Variants in LRRD1 observed in about 807,000 individuals in gnomAD.
LRRD1 encodes the protein leucine-rich repeat and death domain-containing protein 1.
LRRD1 carries 49 observed loss-of-function variants against 69.5 expected under a neutral mutation model. That is an observed-to-expected ratio of 0.70 (90% confidence interval 0.56 to 0.89). The LOEUF is 0.89. Ranked by LOEUF, LRRD1 falls within the 40% of genes least tolerant of loss-of-function variation. The probability of loss-of-function intolerance (pLI) is 0.00; values close to 1 mark genes in which losing one functional copy is unlikely to be tolerated. For missense variants in LRRD1, 853 were observed against 956.0 expected (o/e 0.89, Z 1.42); for synonymous variants, 303 against 338.9 (o/e 0.89, Z 1.16).
chr7:92,175,697 G>T (rs1789179866), intron 1 of LRRD1, among the ~76,000 whole-genome samples: 1 of 152,094 alleles, frequency 6.6e-6, no homozygotes, highest in South Asian at 2.1e-4. Flanking sequence ...TATTTACAAA[G>T]GTGTAGCCAG....
chr7:92,152,907 A>G (rs1410204066), intron 3 of LRRD1, among the ~76,000 whole-genome samples: 2 of 152,178 alleles, frequency 1.3e-5, no homozygotes, highest in African/African-American at 4.8e-5. Flanking sequence ...TGACCTCGTG[A>G]TCTGCCCGCC....
chr7:92,164,232 T>C lies in LRRD1; in HGVS notation c.971A>G (p.Glu324Gly), dbSNP rs1208216481. 1 of 1,549,722 alleles carries C rather than the reference T, an allele frequency of 6.5e-7. No individual in the cohort carries two copies. Residue 324 changes from glutamate (E) to glycine (G), a missense_variant, in exon 2 of 6, where the codon GAG becomes GGG. Physicochemically the swap from Glu to Gly is moderately conservative, Grantham distance 98. Coordinates refer to ENST00000458448, the MANE Select transcript of LRRD1 (RefSeq NM_001161528.2). ...LISSLPKEIRELKNLETLLMD... is the reference protein window; with the variant it reads ...LISSLPKEIRGLKNLETLLMD... ...TAAAAGTGTTTCTAAATTTTTAAGCTCTCTAATTTCTTTTGGCAAACTGCT... is the reference window on the plus strand; with the variant it reads ...TAAAAGTGTTTCTAAATTTTTAAGCCCTCTAATTTCTTTTGGCAAACTGCT...
intron 4 of LRRD1, 91 bp downstream of exon 4, chr7:92,150,443 T>C (rs1417259680): frequency 4.4e-6 from 5 of 1,124,456 alleles, no homozygotes; most frequent in Non-Finnish European, 6.0e-6. Context: ...CCAGCCTGGG[T>C]GTCAGAGTGA....
chr7:92,150,701 A>T lies in LRRD1; in HGVS notation c.2117-6T>A, dbSNP rs749106801. 2.6e-6 allele frequency: 4 copies of T among 1,516,116 alleles called. No individual in the cohort carries two copies. The South Asian group carries it at 5.0e-5, about 19-fold the overall frequency. 93.9% of individuals were successfully genotyped at this position (1,516,116 alleles called of 1,614,324 possible). A position where few individuals can be genotyped will look rare whatever the true frequency, so the allele number is the denominator to read the frequency against. On this transcript the variant is annotated splice_region_variant and splice_polypyrimidine_tract_variant and intron_variant, in intron 3 of 5. Coordinates refer to ENST00000458448, the MANE Select transcript of LRRD1 (RefSeq NM_001161528.2). ...TAGAGCTGTCAGATTATTTCCTAGT[A>T]GAAAAAAATTAGAATTGAATTACAT...
At chr7:92,178,159 A>G (rs1789236837) in intron 1 of LRRD1, among the ~76,000 whole-genome samples, 1 of 151,978 alleles carries the variant, frequency 6.6e-6, no homozygotes. Context: ...TAAAAATACA[A>G]AAAATTAGCC....
In LRRD1 at chr7:92,163,521, A is replaced by G; in HGVS notation, c.1682T>C (p.Leu561Pro). Residue 561 changes from leucine (L) to proline (P), a missense_variant, in exon 2 of 6, where the codon CTT becomes CCT. Physicochemically the swap from Leu to Pro is moderately conservative, Grantham distance 98. Transcript: ENST00000458448. ...TTCAAATTTATTACAGCATAAAATA[A>G]GTACGTGGAGTGATATCATATTAGA... ...SISNMISLHV[L>P]ILCCNKFETF... 6.6e-7 allele frequency: 1 copy of G among 1,518,782 alleles called. No homozygotes were observed. The highest frequency in any genetic ancestry group is 2.5e-5 in the East Asian group (1 of 40,660). The allele number at this position is 1,518,782 out of a possible 1,614,324, so 94.1% of individuals were successfully genotyped here.
chr7:92,145,674 C>G (rs866629375), intron 5 of LRRD1, among the ~76,000 whole-genome samples: 1 of 151,984 alleles, frequency 6.6e-6, no homozygotes, highest in Non-Finnish European at 1.5e-5. Context: ...CTCCTAACCT[C>G]GTGATCCACC....
At chr7:92,160,811 T>TCAAAAA (rs1180356865) in intron 2 of LRRD1, among the ~76,000 whole-genome samples, 2 of 151,992 alleles carry the variant, frequency 1.3e-5, no homozygotes, top group African/African-American at 4.8e-5. Flanking sequence ...AGACTCTGTC[T>TCAAAAA]CAAAAACAAA....
chr7:92,145,598 C>A (rs953660751), intron 5 of LRRD1, among the ~76,000 whole-genome samples: 1 of 152,022 alleles, frequency 6.6e-6, no homozygotes, highest in Non-Finnish European at 1.5e-5. Context: ...CACCACCACA[C>A]CGGGCTAATT....
chr7:92,173,352 C>A (rs1375221769), intron 1 of LRRD1, among the ~76,000 whole-genome samples: 1 of 152,182 alleles, frequency 6.6e-6, no homozygotes, highest in Non-Finnish European at 1.5e-5. Context: ...AATGGGATTA[C>A]ATCAAGCTAA....
At position 92,163,743 on chromosome 7, in the gene LRRD1, T is replaced by A; in HGVS notation, c.1460A>T (p.Asp487Val). ...ATTAACACTCAAATAATAAAGAGAA[T>A]CTAAAGCACACAGTCCCAATGGAAA... The part of the protein sequence containing the change: ...MYFPLGLCAL[D>V]SLYYLSVNGN... Residue 487 changes from aspartate to valine, a missense_variant, in exon 2 of 6, where the codon GAT becomes GTT. Transcript: ENST00000458448. The A allele has an allele frequency of 6.6e-7, 1 of 1,512,556 alleles. No individual in the cohort carries two copies. The highest frequency in any genetic ancestry group is 8.8e-7 in the Non-Finnish European group (1 of 1,133,210). The allele number at this position is 1,512,556 out of a possible 1,614,324, so 93.7% of individuals were successfully genotyped here. A position where few individuals can be genotyped will look rare whatever the true frequency, so the allele number is the denominator to read the frequency against.
chr7:92,160,836 A>G (rs545603471), intron 2 of LRRD1, among the ~76,000 whole-genome samples: 3 of 152,226 alleles, frequency 2.0e-5, no homozygotes, highest in Non-Finnish European at 4.4e-5. Context: ...AAAACAAAGA[A>G]TGAATAGAAT....
intron 4 of LRRD1, chr7:92,150,052 G>T (rs140327481): frequency 3.4e-6 from 1 of 298,330 alleles, no homozygotes; most frequent in African/African-American, 2.2e-5. Context: ...CCTGGATTAC[G>T]TAATCTGAAT....
intron 2 of LRRD1, 36 bp from the exon 3 acceptor site, chr7:92,159,239 T>C: frequency 1.6e-6 from 2 of 1,244,286 alleles, no homozygotes; most frequent in Non-Finnish European, 2.1e-6. Flanking sequence ...CATTTATAAA[T>C]ACATACATAT....
In LRRD1 at chr7:92,164,402, AT is replaced by A. The variant is rs1385443969; in HGVS notation, c.800del (p.Asn267IlefsTer3). ...GNLEILSLGKNKLRHIPDTLP... is the reference protein window; with the variant it reads ...GNLEILSLGKXKLRHIPDTLP... Reference sequence around the variant, plus strand: ...GAGTATCTGGTATATGTCTTAACTTATTTTTACCCAAACTTAAAATTTCCAA... The same window carrying A: ...GAGTATCTGGTATATGTCTTAACTTATTTTACCCAAACTTAAAATTTCCAA... On this transcript the variant is annotated frameshift_variant, in exon 2 of 6. Transcript: ENST00000458448. LOFTEE classifies it high-confidence loss of function. 5.8e-6 allele frequency: 9 copies of A among 1,548,304 alleles called. No homozygotes were observed. The highest frequency in any genetic ancestry group is 7.0e-6 in the Non-Finnish European group (8 of 1,146,002).
intron 1 of LRRD1, among the ~76,000 whole-genome samples, chr7:92,167,905 A>T (rs1171894450): frequency 7.6e-6 from 1 of 131,488 alleles, no homozygotes; most frequent in Admixed American, 7.4e-5. Context: ...AAAAAAAAAA[A>T]AAATAAGTTA....
Position 92,164,333 on chromosome 7 carries a change from A to C in LRRD1, c.870T>G (p.Asn290Lys), listed in dbSNP as rs1215044818. 6.4e-7 allele frequency: 1 copy of C among 1,550,630 alleles called. No homozygotes were observed. Among genetic ancestry groups the C allele is most frequent in the Admixed American group, 2.0e-5 (1 of 50,870 alleles). The change falls in exon 2 of 6, where the codon AAT (asparagine) becomes AAG (lysine). Residue 290 changes from asparagine (N) to lysine (K), a missense_variant. Physicochemically the swap from Asn to Lys is moderately conservative, Grantham distance 94. This residue lies in a region of LRRD1 where 739 missense variants were observed against 808.0 expected (regional missense o/e 0.91). Coordinates refer to ENST00000458448, the MANE Select transcript of LRRD1 (RefSeq NM_001161528.2). ...KTLRVLNLEY[N>K]QLTTFPKALC... ...GAGCTTTAGGAAATGTTGTTAACTG[A>C]TTATATTCCAAATTGAGAACCCTCA... is the stretch of plus-strand genomic sequence containing the variant.
Position 92,163,513 on chromosome 7 carries a change from A to G in LRRD1, c.1690T>C (p.Cys564Arg). The G allele has an allele frequency of 6.6e-7, 1 of 1,525,914 alleles. No individual in the cohort carries two copies. Among genetic ancestry groups the G allele is most frequent in the South Asian group, 1.2e-5 (1 of 80,264 alleles). 94.5% of individuals were successfully genotyped at this position (1,525,914 alleles called of 1,614,324 possible). The part of the protein sequence containing the change: ...NMISLHVLIL[C>R]CNKFETFPRE... The stretch of plus-strand genomic sequence containing the variant: ...GGGAAAGTTTCAAATTTATTACAGC[A>G]TAAAATAAGTACGTGGAGTGATATC... Residue 564 changes from cysteine (C) to arginine (R), a missense_variant, in exon 2 of 6, where the codon TGC becomes CGC. By Grantham distance (180) the Cys-to-Arg change is radical. This residue lies in a region of LRRD1 where 739 missense variants were observed against 808.0 expected (regional missense o/e 0.91). Coordinates refer to ENST00000458448, the MANE Select transcript of LRRD1 (RefSeq NM_001161528.2).
At chr7:92,170,703 T>C (rs1022039696) in intron 1 of LRRD1, among the ~76,000 whole-genome samples, 1 of 152,222 alleles carries the variant, frequency 6.6e-6, no homozygotes, top group African/African-American at 2.4e-5. Flanking sequence ...ATAGGCCTAA[T>C]TGACATTTAC....
Sources: gnomAD v4.1 joint callset for allele counts (sites outside exome capture counted in the v4.1 genomes callset) on GRCh38, gnomAD v4.1.1 for gene constraint, gnomAD v4.1.1 regional missense constraint, MANE v1.5 for transcripts, NCBI Gene and HGNC (gene_info 2026-07-23, HGNC 2026-07-21) for gene names.